MED13: variants seen among roughly 807,000 people sequenced by gnomAD.
The protein encoded by MED13 is mediator of RNA polymerase II transcription subunit 13.
In MED13, 23 loss-of-function variants were observed where a neutral mutation model predicts 225.2. The observed-to-expected ratio is 0.10, with a 90% CI of 0.07 to 0.14. The LOEUF (loss-of-function observed/expected upper bound fraction) is 0.14. MED13 is among the 10% of genes least tolerant of loss of function. The pLI, the probability that MED13 is intolerant of heterozygous loss-of-function variation, is 1.00. For missense variants in MED13, 2,197 were observed against 2,594.5 expected (o/e 0.85, Z 3.33); for synonymous variants, 942 against 889.2 (o/e 1.06, Z -1.06).
chr17:62,037,666 C>CAA (rs964038869), intron 3 of MED13, among the ~76,000 whole-genome samples: 80 of 63,412 alleles, frequency 1.3e-3, no homozygotes, highest in African/African-American at 4.3e-3. Context: ...GACTCCATCT[C>CAA]AAAAAAAAAA....
At chr17:62,022,081 T>G (rs1452771456) in intron 8 of MED13, among the ~76,000 whole-genome samples, 1 of 150,112 alleles carries the variant, frequency 6.7e-6, no homozygotes, top group East Asian at 2.0e-4. Flanking sequence ...GGCACAAGAA[T>G]CCCCTCAACC....
Position 61,946,827 on chromosome 17 carries a change from T to A in MED13, c.6392+90A>T, listed in dbSNP as rs1567934735. 3.9e-6 allele frequency: 5 copies of A among 1,296,460 alleles called. No homozygotes were observed. In the East Asian group the frequency reaches 1.2e-4, roughly 30 times the overall value. 80.3% of individuals were successfully genotyped at this position (1,296,460 alleles called of 1,614,324 possible). A position where few individuals can be genotyped will look rare whatever the true frequency, so the allele number is the denominator to read the frequency against. On this transcript the variant is annotated intron_variant, in intron 29 of 29. Coordinates refer to ENST00000397786, the MANE Select transcript of MED13 (RefSeq NM_005121.3). Reference sequence around the variant, plus strand: ...GATCCACTGGTACACAACTGTAAATTCTTGCCAAAAATGAGAAAAATATAT... The same window carrying A: ...GATCCACTGGTACACAACTGTAAATACTTGCCAAAAATGAGAAAAATATAT...
chr17:62,013,127 T>C (rs1444437865), intron 8 of MED13, among the ~76,000 whole-genome samples: 1 of 151,916 alleles, frequency 6.6e-6, no homozygotes, highest in Non-Finnish European at 1.5e-5. Flanking sequence ...GATATCTTAT[T>C]GTGCATAGAG....
intron 9 of MED13, among the ~76,000 whole-genome samples, chr17:62,007,890 G>A (rs1384762124): frequency 2.0e-5 from 3 of 151,642 alleles, no homozygotes; most frequent in African/African-American, 7.3e-5. Flanking sequence ...GTGCTGGTGC[G>A]CACCTATAGT....
intron 8 of MED13, among the ~76,000 whole-genome samples, chr17:62,017,278 T>C (rs2080592411): frequency 2.1e-5 from 3 of 145,554 alleles, no homozygotes; most frequent in Admixed American, 2.0e-4. Context: ...TATTCCAAGG[T>C]CTTTGTTCAT....
In MED13 at chr17:62,045,878, T is replaced by C. The variant is rs140403123; in HGVS notation, c.470+6659A>G. Among the ~76,000 whole-genome samples, 916 of 152,322 alleles carry C rather than the reference T, an allele frequency of 6.0e-3. 7 individuals carry two copies. Among genetic ancestry groups the C allele is most frequent in the Non-Finnish European group, 0.011 (730 of 68,038 alleles). ...ATTCTATTTCCTCTCTTTCAGTCCC[T>C]AAAGACTGTTAAACACACAACTACA... On this transcript the variant is annotated intron_variant, in intron 3 of 29. Transcript: ENST00000397786.
intron 2 of MED13, among the ~76,000 whole-genome samples, chr17:62,057,455 G>A (rs1265113555): frequency 2.0e-5 from 3 of 152,130 alleles, no homozygotes; most frequent in African/African-American, 7.2e-5. Context: ...TTGTCACCTA[G>A]GAGACTAGCC....
intron 3 of MED13, among the ~76,000 whole-genome samples, chr17:62,049,078 C>CA (rs890393330): frequency 0.017 from 768 of 45,300 alleles, 9 homozygotes; most frequent in Middle Eastern, 0.047. Context: ...GTAAATAAGA[C>CA]AAAAAAAAAA....
At chr17:61,964,860 C>T (rs940165766) in intron 20 of MED13, 146 bp downstream of exon 20, 37 of 724,544 alleles carry the variant, frequency 5.1e-5, no homozygotes, top group African/African-American at 1.1e-4. Flanking sequence ...CACTTGAACT[C>T]GGGAGGCAGA....
intron 2 of MED13, among the ~76,000 whole-genome samples, chr17:62,057,433 C>T (rs542431130): frequency 5.3e-4 from 80 of 152,244 alleles, no homozygotes; most frequent in African/African-American, 1.8e-3. Context: ...AGAAGAAATA[C>T]AGCAAATGAA....
chr17:62,020,137 C>G (rs1412118557), intron 8 of MED13, among the ~76,000 whole-genome samples: 2 of 151,838 alleles, frequency 1.3e-5, no homozygotes, highest in Admixed American at 1.3e-4. Flanking sequence ...CAGAGTAATC[C>G]TTTTAGATTA....
chr17:61,949,943 A>G (rs2079883007), intron 28 of MED13, among the ~76,000 whole-genome samples: 1 of 152,164 alleles, frequency 6.6e-6, no homozygotes, highest in Non-Finnish European at 1.5e-5. Flanking sequence ...TCAGCCTCCC[A>G]AAGTGCTGGG....
intron 2 of MED13, among the ~76,000 whole-genome samples, chr17:62,061,945 TC>T (rs2081042335): frequency 6.6e-6 from 1 of 152,228 alleles, no homozygotes; most frequent in Non-Finnish European, 1.5e-5. Flanking sequence ...GAGAGTATGT[TC>T]ATTAGAATGT....
At chr17:62,015,202 T>C (rs1397132567) in intron 8 of MED13, among the ~76,000 whole-genome samples, 4 of 152,214 alleles carry the variant, frequency 2.6e-5, no homozygotes. Flanking sequence ...GGTATCATAA[T>C]ATTAGGTATG....
intron 2 of MED13, among the ~76,000 whole-genome samples, chr17:62,057,916 C>G (rs542717392): frequency 2.0e-5 from 3 of 151,920 alleles, no homozygotes; most frequent in African/African-American, 7.3e-5. Flanking sequence ...TGGGAGAGGA[C>G]GCAGTGTTTG....
chr17:61,963,022 G>A, intron 20 of MED13, 51 bp from the exon 21 acceptor site: 1 of 1,508,164 alleles, frequency 6.6e-7, no homozygotes, highest in Non-Finnish European at 9.2e-7. Flanking sequence ...ATATGCTTGG[G>A]GTAGCATCTA....
At chr17:61,999,178 A>G (rs1310554587) in intron 9 of MED13, among the ~76,000 whole-genome samples, 1 of 152,160 alleles carries the variant, frequency 6.6e-6, no homozygotes, top group Non-Finnish European at 1.5e-5. Flanking sequence ...CTATATACAT[A>G]CAAATCTGGT....
chr17:62,047,233 T>G (rs1003702946), intron 3 of MED13, among the ~76,000 whole-genome samples: 4 of 151,978 alleles, frequency 2.6e-5, no homozygotes, highest in African/African-American at 9.7e-5. Context: ...TAGCCGGGCG[T>G]GCTGGTGGGT....
intron 27 of MED13, among the ~76,000 whole-genome samples, chr17:61,951,731 G>T (rs1236823928): frequency 2.0e-5 from 3 of 152,132 alleles, no homozygotes; most frequent in Non-Finnish European, 4.4e-5. Context: ...TATTAAGGTG[G>T]TGGGATTACT....
Sources: allele counts gnomAD v4.1 joint callset (sites outside exome capture counted in the v4.1 genomes callset), GRCh38; gene constraint gnomAD v4.1.1; transcripts MANE v1.5; gene names NCBI Gene and HGNC (gene_info 2026-07-23, HGNC 2026-07-21).